Variants in MED1 observed in about 807,000 individuals in gnomAD.
The protein encoded by MED1 is mediator of RNA polymerase II transcription subunit 1.
Under a neutral mutation model 121.3 loss-of-function variants are expected in MED1, and 17 were observed. That is an observed-to-expected ratio of 0.14 (90% confidence interval 0.10 to 0.21). MED1 has a LOEUF of 0.21. MED1 is among the 10% of genes least tolerant of loss of function. The pLI, the probability that MED1 is intolerant of heterozygous loss-of-function variation, is 1.00. For missense variants in MED1, 1,558 were observed against 1,919.4 expected, an observed-to-expected ratio of 0.81 and a Z score of 3.52; for synonymous variants, 661 against 694.4, an observed-to-expected ratio of 0.95 and a Z score of 0.76.
rs752859332 is a variant in MED1 at position 39,440,361 on chromosome 17, C to G, written c.399+25G>C. 1.3e-6 allele frequency: 2 copies of G among 1,536,222 alleles called. No homozygotes were observed. The highest frequency in any genetic ancestry group is 4.7e-5 in the East Asian group (2 of 42,638). ...TGTCCCTAAGTAAACCCCACAGATT[C>G]CAGTGAAATATCAACAACACATACC... On this transcript the variant is annotated intron_variant, in intron 5 of 16. Coordinates refer to ENST00000300651, the MANE Select transcript of MED1 (RefSeq NM_004774.4). This position sits in a 1 kb window ranked among gnomAD's most constrained non-coding sequence, Gnocchi z 4.1.
chr17:39,428,515 T>C (rs923044816), intron 9 of MED1, among the ~76,000 whole-genome samples: 1 of 151,830 alleles, frequency 6.6e-6, no homozygotes, highest in East Asian at 1.9e-4. Context: ...TAGCCTGGCA[T>C]GCTGGTGAGT....
intron 10 of MED1, among the ~76,000 whole-genome samples, chr17:39,425,032 A>G (rs1054158296): frequency 6.6e-6 from 1 of 152,004 alleles, no homozygotes; most frequent in Non-Finnish European, 1.5e-5. Context: ...GGCGCCCATC[A>G]CCATGCCCGG....
chr17:39,443,745 T>A lies in MED1; in HGVS notation c.133-117A>T, dbSNP rs941021257. ...AGGACAGTCTATAGACTCAATATAG[T>A]CTATAGATTTTGTAGACTATATAGA... On this transcript the variant is annotated intron_variant, in intron 2 of 16. Transcript: ENST00000300651. The A allele has an allele frequency of 1.2e-5, 9 of 768,258 alleles. No individual in the cohort carries two copies. The South Asian group carries it at 1.5e-4, about 13-fold the overall frequency. The allele number at this position is 768,258 out of a possible 1,614,324, so 47.6% of individuals were successfully genotyped here.
intron 7 of MED1, among the ~76,000 whole-genome samples, chr17:39,433,527 C>CTATATATA (rs149231162): frequency 0.015 from 2,178 of 144,306 alleles, 55 homozygotes; most frequent in African/African-American, 0.053. Flanking sequence ...TTTTTTGTTA[C>CTATATATA]TATATATATA....
chr17:39,425,714 A>G (rs1057358579), intron 10 of MED1, among the ~76,000 whole-genome samples: 1 of 152,026 alleles, frequency 6.6e-6, no homozygotes, highest in African/African-American at 2.4e-5. Context: ...AGGCAGGAGA[A>G]TCACTTGAAC....
In MED1 at chr17:39,405,812, G is replaced by C; in HGVS notation, c.*1663C>G. On this transcript the variant is annotated 3_prime_UTR_variant, in exon 17 of 17. Coordinates refer to ENST00000300651, the MANE Select transcript of MED1 (RefSeq NM_004774.4). ...GCCAAAGCTGATTTTCCAACTCTAT[G>C]CTGACTCCAACCTGCAGAAAAAGCT... 1.0e-6 allele frequency: 1 copy of C among 986,122 alleles called. No homozygotes were observed. The highest frequency in any genetic ancestry group is 1.2e-6 in the Non-Finnish European group (1 of 830,344). The allele number at this position is 986,122 out of a possible 1,614,324, so 61.1% of individuals were successfully genotyped here.
At chr17:39,436,910 C>T (rs1010628688) in intron 6 of MED1, among the ~76,000 whole-genome samples, 28 of 151,804 alleles carry the variant, frequency 1.8e-4, no homozygotes, top group South Asian at 4.2e-4. Flanking sequence ...TGGGATTACA[C>T]GTGTGAGCCA....
At chr17:39,424,283 T>A (rs886375472) in intron 11 of MED1, among the ~76,000 whole-genome samples, 10 of 152,192 alleles carry the variant, frequency 6.6e-5, no homozygotes, top group Non-Finnish European at 1.5e-4. Context: ...TTCCCAGACA[T>A]GCTATTGGTT....
chr17:39,432,041 G>T (rs368519485), intron 7 of MED1, 25 bp from the exon 8 acceptor site: 34 of 1,547,484 alleles, frequency 2.2e-5, no homozygotes, highest in Non-Finnish European at 2.9e-5. Flanking sequence ...AGAAGAACAT[G>T]AGTTAATAGT....
rs1283958648 is a variant in MED1, at chr17:39,440,681, T to C, written c.212-4A>G. On this transcript the variant is annotated splice_region_variant and splice_polypyrimidine_tract_variant and intron_variant, in intron 3 of 16. Transcript: ENST00000300651. This position sits in a 1 kb window ranked among gnomAD's most constrained non-coding sequence, Gnocchi z 4.1. ...GTCATTGCTGGTAAAGATGTTACTA[T>C]AAAAGGATGAAAAAAGGAGTCACAA... 2 of 1,610,396 alleles carry C rather than the reference T, an allele frequency of 1.2e-6. No individual in the cohort carries two copies. Among genetic ancestry groups the C allele is most frequent in the Non-Finnish European group, 1.7e-6 (2 of 1,178,380 alleles).
In MED1 at chr17:39,408,454, GACA is replaced by G. The variant is rs1416812097; in HGVS notation, c.3764_3766del (p.Leu1255del). ...ATTAGATGATGGGGGAGTTTTCTGG[GACA>G]ACGAGCCTGAGGATCCTAACCCTGA... is the stretch of plus-strand genomic sequence containing the variant. On this transcript the variant is annotated inframe_deletion, in exon 17 of 17. Transcript: ENST00000300651. This position sits in a 1 kb window ranked among gnomAD's most constrained non-coding sequence, Gnocchi z 4.7. The G allele has an allele frequency of 6.2e-7, 1 of 1,614,158 alleles. No individual in the cohort carries two copies. Among genetic ancestry groups the G allele is most frequent in the South Asian group, 1.1e-5 (1 of 91,076 alleles).
chr17:39,410,891 A>G (rs1437909671), intron 16 of MED1, among the ~76,000 whole-genome samples, 170 bp from the exon 17 acceptor site: 1 of 152,222 alleles, frequency 6.6e-6, no homozygotes, highest in Non-Finnish European at 1.5e-5. Flanking sequence ...AATACATTCT[A>G]AAAATCTAAC....
chr17:39,447,939 G>C lies in MED1; in HGVS notation c.26-35C>G, dbSNP rs369527937. 2.9e-6 allele frequency: 4 copies of C among 1,367,160 alleles called. No individual in the cohort carries two copies. The African/African-American group carries it at 4.3e-5, about 15-fold the overall frequency. 84.7% of individuals were successfully genotyped at this position (1,367,160 alleles called of 1,614,324 possible). A position where few individuals can be genotyped will look rare whatever the true frequency, so the allele number is the denominator to read the frequency against. Reference sequence around the variant, plus strand: ...AAATCAGAAAACGTTATCAGTAACTGTTCTATCAAGACCATCCACAGTTTT... The same window carrying C: ...AAATCAGAAAACGTTATCAGTAACTCTTCTATCAAGACCATCCACAGTTTT... On this transcript the variant is annotated intron_variant, in intron 1 of 16. Coordinates refer to ENST00000300651, the MANE Select transcript of MED1 (RefSeq NM_004774.4).
chr17:39,448,895 G>A (rs988531748), intron 1 of MED1, among the ~76,000 whole-genome samples: 2 of 152,126 alleles, frequency 1.3e-5, no homozygotes, highest in African/African-American at 4.8e-5. Flanking sequence ...GGCAACAAGA[G>A]CAAAACTCTG....
intron 12 of MED1, 74 bp downstream of exon 12, chr17:39,423,623 G>A (rs1437850620): frequency 3.1e-6 from 5 of 1,591,898 alleles, no homozygotes; most frequent in East Asian, 2.2e-5. Flanking sequence ...ACTGAAAGAC[G>A]TCATGATAAC....
Position 39,440,412 on chromosome 17 carries a change from C to T in MED1, c.373G>A (p.Val125Met). 1 of 1,575,586 alleles carries T rather than the reference C, an allele frequency of 6.3e-7. No homozygotes were observed. Among genetic ancestry groups the T allele is most frequent in the Non-Finnish European group, 8.6e-7 (1 of 1,168,558 alleles). Residue 125 changes from valine to methionine, a missense_variant, in exon 5 of 17, where the codon GTG becomes ATG. Physicochemically the swap from Val to Met is conservative, Grantham distance 21. Coordinates refer to ENST00000300651, the MANE Select transcript of MED1 (RefSeq NM_004774.4). This position sits in a 1 kb window ranked among gnomAD's most constrained non-coding sequence, Gnocchi z 4.1. ...DPAGQLCDVK[V>M]AHHGENPVSC... is the part of the protein sequence containing the mutation. ...ACAGGATTCTCCCCATGGTGAGCCA[C>T]TTTTACATCACAAAGCTGTCCTGCA...
chr17:39,433,494 A>C (rs2048587517), intron 7 of MED1, among the ~76,000 whole-genome samples: 1 of 151,464 alleles, frequency 6.6e-6, no homozygotes, highest in Non-Finnish European at 1.5e-5. Context: ...CCCAGCCTAA[A>C]ACATTAATTT....
chr17:39,440,679 T>C lies in MED1; in HGVS notation c.212-2A>G. 1 of 1,611,454 alleles carries C rather than the reference T, an allele frequency of 6.2e-7. No homozygotes were observed. The highest frequency in any genetic ancestry group is 8.5e-7 in the Non-Finnish European group (1 of 1,178,668). On this transcript the variant is annotated splice_acceptor_variant, in intron 3 of 16. Coordinates refer to ENST00000300651, the MANE Select transcript of MED1 (RefSeq NM_004774.4). LOFTEE classifies it high-confidence loss of function. This position sits in a 1 kb window ranked among gnomAD's most constrained non-coding sequence, Gnocchi z 4.1. ...CAGTCATTGCTGGTAAAGATGTTAC[T>C]ATAAAAGGATGAAAAAAGGAGTCAC... is the stretch of plus-strand genomic sequence containing the variant.
intron 9 of MED1, among the ~76,000 whole-genome samples, chr17:39,428,844 C>T (rs547168223): frequency 6.6e-6 from 1 of 150,684 alleles, no homozygotes; most frequent in African/African-American, 2.4e-5. Flanking sequence ...CCCAACTACT[C>T]GGGAGGCTGT....
Sources: allele counts gnomAD v4.1 joint callset (sites outside exome capture counted in the v4.1 genomes callset), GRCh38; gene constraint gnomAD v4.1.1; non-coding constraint Gnocchi (gnomAD v3.1); transcripts MANE v1.5; gene names NCBI Gene and HGNC (gene_info 2026-07-23, HGNC 2026-07-21).